Variants in AKAP12 observed in about 807,000 individuals in gnomAD.
AKAP12 encodes A-kinase anchor protein 12.
In AKAP12, 32 loss-of-function variants were observed where a neutral mutation model predicts 79.9. That is an observed-to-expected ratio of 0.40 (90% CI 0.30 to 0.54). AKAP12 has a LOEUF of 0.54. Among genes scored for constraint, AKAP12 ranks in the 20% least tolerant of loss-of-function variants. The pLI is 0.48. For synonymous variants in AKAP12, 808 were observed against 857.0 expected (o/e 0.94, Z 1.00); for missense variants, 2,074 against 2,177.0 (o/e 0.95, Z 0.94).
chr6:151,259,081 G>C (rs1797358827), intron 2 of AKAP12, among the ~76,000 whole-genome samples: 1 of 151,362 alleles, frequency 6.6e-6, no homozygotes, highest in African/African-American at 2.4e-5. Context: ...GTCTTGCTCT[G>C]TCACCCAGGC....
At chr6:151,279,076 G>A (rs1776347333) in intron 2 of AKAP12, among the ~76,000 whole-genome samples, 1 of 152,138 alleles carries the variant, frequency 6.6e-6, no homozygotes, top group Admixed American at 6.6e-5. Context: ...TGTTCAATAA[G>A]CAGTTATAGT....
In AKAP12 at chr6:151,357,709, A is replaced by ATTTTTTTTT. The variant is rs33929436; in HGVS notation, c.*2008_*2016dup. ...AAAAAACCTCTGATATATATATATA[A>ATTTTTTTTT]TTTTTTTTTTTTTTTTTTTTTGGCC... On this transcript the variant is annotated 3_prime_UTR_variant, in exon 5 of 5. Coordinates refer to ENST00000402676, the MANE Select transcript of AKAP12 (RefSeq NM_005100.4). The ATTTTTTTTT allele has an allele frequency of 9.7e-6, 1 of 102,700 alleles. No individual in the cohort carries two copies. Among genetic ancestry groups the ATTTTTTTTT allele is most frequent in the Non-Finnish European group, 2.1e-5 (1 of 47,758 alleles). 6.4% of individuals were successfully genotyped at this position (102,700 alleles called of 1,614,324 possible).
In AKAP12 at chr6:151,351,881, GA is replaced by G. The variant is rs1778302502; in HGVS notation, c.3493del (p.Thr1165ProfsTer13). On this transcript the variant is annotated frameshift_variant, in exon 4 of 5. Coordinates refer to ENST00000402676, the MANE Select transcript of AKAP12 (RefSeq NM_005100.4). LOFTEE classifies it low-confidence loss of function (END_TRUNC). This position sits in a 1 kb window ranked among gnomAD's most constrained non-coding sequence, Gnocchi z 4.4. ...ACAGGCTATCCCCCCTGACTCGGTGGAAACCCCTACAGACAGTGAGACTGAT... is the reference window on the plus strand; with the variant it reads ...ACAGGCTATCCCCCCTGACTCGGTGGAACCCCTACAGACAGTGAGACTGAT... ...MEQAIPPDSVETPTDSETDGS... is the reference protein window; with the variant it reads ...MEQAIPPDSVXTPTDSETDGS... The G allele has an allele frequency of 6.2e-7, 1 of 1,613,964 alleles. No individual in the cohort carries two copies. The highest frequency in any genetic ancestry group is 1.3e-5 in the African/African-American group (1 of 74,880).
intron 2 of AKAP12, among the ~76,000 whole-genome samples, chr6:151,300,921 C>T (rs1168702196): frequency 1.3e-5 from 2 of 152,010 alleles, no homozygotes; most frequent in African/African-American, 4.8e-5. Flanking sequence ...GTGTAAGGAG[C>T]GTGTCTTTCA....
intron 3 of AKAP12, among the ~76,000 whole-genome samples, chr6:151,345,089 T>TG (rs961717539): frequency 2.0e-5 from 3 of 151,872 alleles, no homozygotes; most frequent in East Asian, 2.0e-4. Context: ...ATTTTTTTTT[T>TG]GGGGGGGACA....
intron 2 of AKAP12, among the ~76,000 whole-genome samples, chr6:151,241,502 G>A (rs1272300538): frequency 6.6e-6 from 1 of 152,174 alleles, no homozygotes. Flanking sequence ...AGCATTCCGG[G>A]TACTCTTCCC....
rs147113946 is a variant in AKAP12, at chr6:151,305,830, T to A, written c.246T>A (p.Asn82Lys). Residue 82 changes from asparagine to lysine, a missense_variant, in exon 3 of 5, where the codon AAT (asparagine) becomes AAA (lysine). Transcript: ENST00000402676. ...TCAGCCTCCAGGAGGGTGACCTAAA[T>A]GGCCAGAAAGGAGCCCTGAACGGTC... ...DELSLQEGDLNGQKGALNGQG... is the reference protein window; with the variant it reads ...DELSLQEGDLKGQKGALNGQG... 3.5e-4 allele frequency: 567 copies of A among 1,613,980 alleles called. 4 individuals are homozygous for A. Among genetic ancestry groups the A allele is most frequent in the Middle Eastern group, 2.3e-3 (14 of 6,062 alleles).
In AKAP12 at chr6:151,350,742, T is replaced by C. The variant is rs762332685; in HGVS notation, c.2351T>C (p.Ile784Thr). The C allele has an allele frequency of 6.2e-7, 1 of 1,613,966 alleles. No individual in the cohort carries two copies. The highest frequency in any genetic ancestry group is 1.7e-5 in the Admixed American group (1 of 59,988). Residue 784 changes from isoleucine (I) to threonine (T), a missense_variant, in exon 4 of 5, where the codon ATA becomes ACA. Ile to Thr is a moderately conservative substitution (Grantham distance 89). Transcript: ENST00000402676. The surrounding 1 kb of genome is among the most constrained non-coding windows in gnomAD (Gnocchi z 4.8). The part of the protein sequence containing the change: ...SKLEEKSEDS[I>T]AGSGVEHSTP... ...CTGGAAGAGAAAAGCGAAGACTCCA[T>C]AGCTGGGTCTGGTGTAGAACATTCC...
At position 151,350,068 on chromosome 6, in the gene AKAP12, G is replaced by A. The variant is rs545702320; in HGVS notation, c.1677G>A (p.Glu559=). 1.9e-6 allele frequency: 3 copies of A among 1,614,166 alleles called. No individual in the cohort carries two copies. The highest frequency in any genetic ancestry group is 3.3e-5 in the Admixed American group (2 of 60,022). ...CAGCCGATTCTCCGGACAGCCAGGA[G>A]GAGCAAAAGGGCGAGAGCTCTGCCT... The part of the protein sequence containing the change: ...QVPADSPDSQ[E]EQKGESSASS... Residue 559 remains glutamate, a synonymous_variant, in exon 4 of 5, where the codon GAG becomes GAA. Transcript: ENST00000402676. This position sits in a 1 kb window ranked among gnomAD's most constrained non-coding sequence, Gnocchi z 4.8.
intron 3 of AKAP12, chr6:151,324,292 A>G (rs1777469248): frequency 5.1e-6 from 5 of 985,438 alleles, no homozygotes; most frequent in Non-Finnish European, 6.0e-6. Context: ...GGTATTTGCC[A>G]GGATGTGAAA....
intron 2 of AKAP12, among the ~76,000 whole-genome samples, chr6:151,272,964 G>C (rs1204653206): frequency 6.6e-6 from 1 of 152,224 alleles, no homozygotes; most frequent in Non-Finnish European, 1.5e-5. Flanking sequence ...CTGGAGTGCA[G>C]TGGTGCAATC....
chr6:151,253,558 G>A (rs576230721), intron 2 of AKAP12, among the ~76,000 whole-genome samples: 3 of 152,176 alleles, frequency 2.0e-5, no homozygotes, highest in East Asian at 3.9e-4. Context: ...ATAATATATT[G>A]AATCCTATAG....
rs1177288497 is a variant in AKAP12, at chr6:151,239,972, T to TA, written c.-264dup. 6.6e-6 allele frequency: 1 copy of TA among 152,272 alleles called. No homozygotes were observed. Among genetic ancestry groups the TA allele is most frequent in the African/African-American group, 2.4e-5 (1 of 41,450 alleles). 9.4% of individuals were successfully genotyped at this position (152,272 alleles called of 1,614,324 possible). A position where few individuals can be genotyped will look rare whatever the true frequency, so the allele number is the denominator to read the frequency against. ...GGAGGCTGGAACAAATGTTTGGAGTTAAACACAATCTGCAGGAAAGCAAAT... is the reference window on the plus strand; with the variant it reads ...GGAGGCTGGAACAAATGTTTGGAGTTAAAACACAATCTGCAGGAAAGCAAAT... On this transcript the variant is annotated 5_prime_UTR_variant, in exon 1 of 5. Coordinates refer to ENST00000402676, the MANE Select transcript of AKAP12 (RefSeq NM_005100.4).
In AKAP12 at chr6:151,351,020, G is replaced by A; in HGVS notation, c.2629G>A (p.Ala877Thr). ...CGCAGAGCAGCCCGAGCAGAAGGCAGCCACTGAGGTGTCCAAGGAGCTCAG... is the reference window on the plus strand; with the variant it reads ...CGCAGAGCAGCCCGAGCAGAAGGCAACCACTGAGGTGTCCAAGGAGCTCAG... Reference protein sequence around the residue: ...KSAEQPEQKAATEVSKELSES... With the variant: ...KSAEQPEQKATTEVSKELSES... The change falls in exon 4 of 5, where the codon GCC (alanine) becomes ACC (threonine). Residue 877 changes from alanine to threonine, a missense_variant. By Grantham distance (58) the Ala-to-Thr change is moderately conservative. Coordinates refer to ENST00000402676, the MANE Select transcript of AKAP12 (RefSeq NM_005100.4). The surrounding 1 kb of genome is among the most constrained non-coding windows in gnomAD (Gnocchi z 4.4). 2 of 1,614,102 alleles carry A rather than the reference G, an allele frequency of 1.2e-6. No homozygotes were observed. The highest frequency in any genetic ancestry group is 1.3e-5 in the African/African-American group (1 of 75,020).
At chr6:151,301,297 A>G (rs980678983) in intron 2 of AKAP12, among the ~76,000 whole-genome samples, 1 of 152,216 alleles carries the variant, frequency 6.6e-6, no homozygotes, top group African/African-American at 2.4e-5. Flanking sequence ...GTTTATTAAT[A>G]AAGAAATGTA....
intron 2 of AKAP12, among the ~76,000 whole-genome samples, chr6:151,278,753 T>C (rs1049114915): frequency 3.3e-5 from 5 of 151,602 alleles, no homozygotes; most frequent in Non-Finnish European, 7.4e-5. Context: ...CTGCAAGCTC[T>C]GCCTCCCGGG....
At position 151,352,222 on chromosome 6, in the gene AKAP12, C is replaced by T. The variant is rs756720446; in HGVS notation, c.3831C>T (p.Asp1277=). 1.6e-5 allele frequency: 26 copies of T among 1,614,044 alleles called. No homozygotes were observed. Among genetic ancestry groups the T allele is most frequent in the African/African-American group, 2.7e-5 (2 of 74,910 alleles). ...ADQYADEKTK[D]VPFFEGLEGS... Reference sequence around the variant, plus strand: ...AGTATGCTGATGAGAAAACCAAAGACGTACCATTTTTCGAAGGACTTGAGG... The same window carrying T: ...AGTATGCTGATGAGAAAACCAAAGATGTACCATTTTTCGAAGGACTTGAGG... The change falls in exon 4 of 5, where the codon GAC becomes GAT. Residue 1277 remains aspartate, a synonymous_variant. Coordinates refer to ENST00000402676, the MANE Select transcript of AKAP12 (RefSeq NM_005100.4).
intron 2 of AKAP12, among the ~76,000 whole-genome samples, chr6:151,264,645 T>C (rs886767601): frequency 1.1e-4 from 16 of 145,908 alleles, no homozygotes; most frequent in African/African-American, 4.1e-4. Context: ...AACTCCAGCC[T>C]GGGTGAGAGT....
At chr6:151,264,060 G>A (rs959794184) in intron 2 of AKAP12, among the ~76,000 whole-genome samples, 1 of 152,056 alleles carries the variant, frequency 6.6e-6, no homozygotes, top group Non-Finnish European at 1.5e-5. Context: ...TCCAGCTTGG[G>A]GCAGGTGGAG....
Sources: gnomAD v4.1 joint callset for allele counts (sites outside exome capture counted in the v4.1 genomes callset) on GRCh38, gnomAD v4.1.1 for gene constraint, Gnocchi (gnomAD v3.1) non-coding constraint, MANE v1.5 for transcripts, NCBI Gene and HGNC (gene_info 2026-07-23, HGNC 2026-07-21) for gene names.